The following IL1RAPL1 variants were observed in gnomAD, a reference collection of about 807,000 sequenced individuals.
IL1RAPL1 encodes the protein interleukin 1 receptor accessory protein like 1, also known as interleukin-1 receptor accessory protein-like 1.
In IL1RAPL1, 3 loss-of-function variants were observed where a neutral mutation model predicts 48.4. That is an observed-to-expected ratio of 0.06 (90% CI 0.03 to 0.16). The LOEUF (loss-of-function observed/expected upper bound fraction) is 0.16. IL1RAPL1 is among the 10% of genes least tolerant of loss of function. The pLI, the probability that IL1RAPL1 is intolerant of heterozygous loss-of-function variation, is 1.00. For missense variants in IL1RAPL1, 349 were observed against 530.6 expected (o/e 0.66, Z 3.36); for synonymous variants, 185 against 187.7 (o/e 0.99, Z 0.12).
At chrX:29,516,319 A>G (rs1038921267) in intron 5 of IL1RAPL1, among the ~76,000 whole-genome samples, 2 of 112,089 alleles carry the variant, frequency 1.8e-5, no homozygotes, top group Non-Finnish European at 3.8e-5. Context: ...AATAGTATAT[A>G]TGCCATATAG....
At chrX:28,753,171 A>G (rs1016046170) in intron 1 of IL1RAPL1, among the ~76,000 whole-genome samples, 14 of 111,938 alleles carry the variant, frequency 1.3e-4, no homozygotes, top group Non-Finnish European at 2.6e-4. Flanking sequence ...AATATTTGCA[A>G]CAGAGGCCAT....
At chrX:29,555,655 A>G (rs1424535105) in intron 5 of IL1RAPL1, among the ~76,000 whole-genome samples, 2 of 111,926 alleles carry the variant, frequency 1.8e-5, no homozygotes, top group African/African-American at 3.3e-5. Flanking sequence ...TTTAAATGGT[A>G]TGAGAACATG....
intron 2 of IL1RAPL1, among the ~76,000 whole-genome samples, chrX:28,875,450 G>A (rs1006408556): frequency 1.2e-4 from 13 of 112,349 alleles, no homozygotes; most frequent in African/African-American, 2.6e-4. Context: ...ATATGAATGG[G>A]CTAAAACTGA....
intron 6 of IL1RAPL1, among the ~76,000 whole-genome samples, chrX:29,720,353 C>T (rs1336000287): frequency 1.8e-5 from 2 of 111,873 alleles, no homozygotes; most frequent in African/African-American, 6.5e-5. Context: ...GGAACCAACC[C>T]AAATGTCCAT....
At chrX:29,680,756 T>C (rs1401135511) in intron 6 of IL1RAPL1, among the ~76,000 whole-genome samples, 1 of 111,931 alleles carries the variant, frequency 8.9e-6, no homozygotes, top group African/African-American at 3.3e-5. Flanking sequence ...TCCTGATTGA[T>C]GCATTTGAAT....
chrX:29,278,706 T>G (rs993046520), intron 2 of IL1RAPL1, among the ~76,000 whole-genome samples: 1 of 112,311 alleles, frequency 8.9e-6, no homozygotes, highest in African/African-American at 3.2e-5. Context: ...AAATCAACAG[T>G]GTCTAGAAAT....
intron 2 of IL1RAPL1, among the ~76,000 whole-genome samples, chrX:28,897,342 G>C (rs1367974891): frequency 8.9e-6 from 1 of 111,884 alleles, no homozygotes; most frequent in Non-Finnish European, 1.9e-5. Flanking sequence ...GCGTCCCTGC[G>C]TGATTAAACA....
chrX:28,725,315 A>C (rs977198270), intron 1 of IL1RAPL1, among the ~76,000 whole-genome samples: 1 of 111,753 alleles, frequency 8.9e-6, no homozygotes, highest in African/African-American at 3.2e-5. Context: ...TCAGAAAAAC[A>C]AGAATTCACT....
intron 2 of IL1RAPL1, among the ~76,000 whole-genome samples, chrX:29,223,494 T>C (rs1931021658): frequency 9.0e-6 from 1 of 111,338 alleles, no homozygotes. Context: ...TCTCCTGTCA[T>C]GTAAGTGTCA....
chrX:29,160,188 T>A (rs1929654216), intron 2 of IL1RAPL1, among the ~76,000 whole-genome samples: 2 of 112,221 alleles, frequency 1.8e-5, no homozygotes. Flanking sequence ...GTTTTACTAT[T>A]TTAGTTTTCT....
At chrX:29,812,871 A>C (rs1352884967) in intron 6 of IL1RAPL1, among the ~76,000 whole-genome samples, 1 of 111,290 alleles carries the variant, frequency 9.0e-6, no homozygotes, top group Non-Finnish European at 1.9e-5. Flanking sequence ...TATAATATTC[A>C]TAGATATAAC....
chrX:28,909,444 C>G (rs1285516117), intron 2 of IL1RAPL1, among the ~76,000 whole-genome samples: 2 of 111,392 alleles, frequency 1.8e-5, no homozygotes, highest in Admixed American at 9.6e-5. Flanking sequence ...CAGTTTATAG[C>G]CAATCTATGT....
chrX:28,617,534 C>G (rs1479492026), intron 1 of IL1RAPL1, among the ~76,000 whole-genome samples: 1 of 111,844 alleles, frequency 8.9e-6, no homozygotes, highest in Non-Finnish European at 1.9e-5. Context: ...TATGGGACCT[C>G]AAATATAGCC....
At chrX:28,946,096 AGAG>A (rs1218671723) in intron 2 of IL1RAPL1, among the ~76,000 whole-genome samples, 11 of 110,023 alleles carry the variant, frequency 1.0e-4, no homozygotes, top group Non-Finnish European at 2.1e-4. Flanking sequence ...TGATAAAAAA[AGAG>A]GTACATGGTT....
chrX:29,198,449 C>T (rs760413065), intron 2 of IL1RAPL1, among the ~76,000 whole-genome samples: 2 of 109,857 alleles, frequency 1.8e-5, no homozygotes, highest in Non-Finnish European at 3.8e-5. Context: ...GTGTCCGCCA[C>T]GACACCCACC....
chrX:29,782,596 C>G (rs1301509689), intron 6 of IL1RAPL1, among the ~76,000 whole-genome samples: 1 of 111,361 alleles, frequency 9.0e-6, no homozygotes, highest in Non-Finnish European at 1.9e-5. Flanking sequence ...ATAAGACAGT[C>G]AGGTACACAC....
At position 29,210,515 on chromosome X, in the gene IL1RAPL1, C is replaced by A. The variant is rs183517785; in HGVS notation, c.83-72423C>A. On this transcript the variant is annotated intron_variant, in intron 2 of 10. Transcript: ENST00000378993. The stretch of plus-strand genomic sequence containing the variant: ...TAAATGTGATCTTAGATATTTTAAT[C>A]TATTCATTTAATTTATTCTTTACTC... Among the ~76,000 whole-genome samples, 397 of 112,201 alleles carry A rather than the reference C, an allele frequency of 3.5e-3. 1 individual carries two copies. The highest frequency in any genetic ancestry group is 5.7e-3 in the Non-Finnish European group (305 of 53,259).
At chrX:29,243,999 A>G (rs1931466571) in intron 2 of IL1RAPL1, among the ~76,000 whole-genome samples, 2 of 111,292 alleles carry the variant, frequency 1.8e-5, no homozygotes, top group African/African-American at 6.5e-5. Flanking sequence ...ACACATGTAA[A>G]CATTGTGTAA....
chrX:29,329,807 C>A (rs1158811335), intron 3 of IL1RAPL1, among the ~76,000 whole-genome samples: 1 of 103,989 alleles, frequency 9.6e-6, no homozygotes, highest in African/African-American at 3.7e-5. Context: ...GTATGAAACT[C>A]CGTCTTAAAA....
Sources: allele counts gnomAD v4.1 joint callset (sites outside exome capture counted in the v4.1 genomes callset), GRCh38; gene constraint gnomAD v4.1.1; transcripts MANE v1.5; gene names NCBI Gene and HGNC (gene_info 2026-07-23, HGNC 2026-07-21).